The following TMPO variants were observed in gnomAD, a reference collection of about 807,000 sequenced individuals.
The protein encoded by TMPO is thymopoietin.
In TMPO, 22 loss-of-function variants were observed where a neutral mutation model predicts 45.4. That is an observed-to-expected ratio of 0.48 (90% CI 0.35 to 0.69). The LOEUF (loss-of-function observed/expected upper bound fraction) is 0.69, where lower values mean the gene tolerates loss of function less well. Among genes scored for constraint, TMPO ranks in the 30% least tolerant of loss-of-function variants. The probability of loss-of-function intolerance (pLI) is 0.01; values close to 1 mark genes in which losing one functional copy is unlikely to be tolerated. For synonymous variants in TMPO, 241 were observed against 204.1 expected (o/e 1.18, Z -1.54); for missense variants, 512 against 548.8 (o/e 0.93, Z 0.67).
At chr12:98,518,203 A>T (rs1395662949) in intron 1 of TMPO, among the ~76,000 whole-genome samples, 1 of 152,086 alleles carries the variant, frequency 6.6e-6, no homozygotes. Context: ...CACACTTTAT[A>T]AAAAACCTAA....
At chr12:98,530,783 A>G (rs991384656) in intron 2 of TMPO, among the ~76,000 whole-genome samples, 3 of 152,244 alleles carry the variant, frequency 2.0e-5, no homozygotes, top group Non-Finnish European at 4.4e-5. Context: ...ATCCGCTTAC[A>G]TGTGATTTTT....
intron 3 of TMPO, chr12:98,533,473 G>C: frequency 6.2e-7 from 1 of 1,614,128 alleles, no homozygotes; most frequent in Middle Eastern, 1.6e-4. Context: ...ACTGGATGTA[G>C]AAAACATACA....
chr12:98,532,134 G>A (rs546055198), intron 3 of TMPO: 25 of 296,536 alleles, frequency 8.4e-5, no homozygotes, highest in Admixed American at 4.4e-4. Flanking sequence ...AAAGTTTCTC[G>A]TACTTACCTG....
intron 2 of TMPO, among the ~76,000 whole-genome samples, chr12:98,529,889 C>T (rs978107160): frequency 2.0e-5 from 3 of 151,976 alleles, no homozygotes; most frequent in African/African-American, 4.8e-5. Flanking sequence ...AAATTGTGGA[C>T]GCTAGAGATT....
At chr12:98,519,905 AG>A in intron 1 of TMPO, among the ~76,000 whole-genome samples, 1 of 151,916 alleles carries the variant, frequency 6.6e-6, no homozygotes, top group East Asian at 1.9e-4. Flanking sequence ...GGTCATTTTT[AG>A]CCCCATATAA....
chr12:98,522,415 C>A, intron 1 of TMPO, among the ~76,000 whole-genome samples: 1 of 152,176 alleles, frequency 6.6e-6, no homozygotes, highest in South Asian at 2.1e-4. Flanking sequence ...TTTACCACCA[C>A]TGTATAATAA....
At chr12:98,547,158 C>T (rs774255328) in intron 8 of TMPO, among the ~76,000 whole-genome samples, 1 of 151,366 alleles carries the variant, frequency 6.6e-6, no homozygotes, top group African/African-American at 2.4e-5. Context: ...TCACTACAAC[C>T]TCCACCTCCT....
intron 1 of TMPO, among the ~76,000 whole-genome samples, chr12:98,522,065 G>C (rs770106388): frequency 6.6e-6 from 1 of 151,948 alleles, no homozygotes; most frequent in Non-Finnish European, 1.5e-5. Flanking sequence ...ATAGGGTCTC[G>C]CTCTGTCCCT....
In TMPO at chr12:98,547,964, G is replaced by T; in HGVS notation, c.*106G>T. Reference sequence around the variant, plus strand: ...CAAGAACTAAAAATAATGTGATTTCGCCTCAATAAATGTAGTATTTCATTG... The same window carrying T: ...CAAGAACTAAAAATAATGTGATTTCTCCTCAATAAATGTAGTATTTCATTG... On this transcript the variant is annotated 3_prime_UTR_variant, in exon 9 of 9. Coordinates refer to ENST00000556029, the MANE Select transcript of TMPO (RefSeq NM_001032283.3). The T allele has an allele frequency of 7.7e-7, 1 of 1,303,310 alleles. No individual in the cohort carries two copies. Among genetic ancestry groups the T allele is most frequent in the Admixed American group, 2.1e-5 (1 of 48,502 alleles). 80.7% of individuals were successfully genotyped at this position (1,303,310 alleles called of 1,614,324 possible).
chr12:98,534,989 A>G (rs1877483827), intron 3 of TMPO: 8 of 848,910 alleles, frequency 9.4e-6, no homozygotes, highest in Non-Finnish European at 1.1e-5. Flanking sequence ...ACAGGATTTG[A>G]TTTTTTAGCA....
chr12:98,515,611 G>C lies in TMPO; in HGVS notation c.-257G>C. On this transcript the variant is annotated 5_prime_UTR_variant, in exon 1 of 9. Transcript: ENST00000556029. ...GGGCGAAGCAGGCTGCTCGCCTCCT[G>C]CCTGTAGTGTGTGGGCTGGGGTTGG... The C allele has an allele frequency of 1.6e-6, 1 of 636,510 alleles. No individual in the cohort carries two copies. Among genetic ancestry groups the C allele is most frequent in the Non-Finnish European group, 2.7e-6 (1 of 376,374 alleles). 39.4% of individuals were successfully genotyped at this position (636,510 alleles called of 1,614,324 possible).
At chr12:98,521,413 A>G (rs1876357265) in intron 1 of TMPO, among the ~76,000 whole-genome samples, 1 of 151,980 alleles carries the variant, frequency 6.6e-6, no homozygotes, top group African/African-American at 2.4e-5. Context: ...TGCCCAGCCT[A>G]TGGGGAACAT....
intron 4 of TMPO, among the ~76,000 whole-genome samples, chr12:98,542,173 G>A (rs1651429872): frequency 6.6e-6 from 1 of 152,140 alleles, no homozygotes. Context: ...AAATTGCTAG[G>A]TAATTTCACC....
At chr12:98,532,289 C>T (rs538773865) in intron 3 of TMPO, 7 of 162,614 alleles carry the variant, frequency 4.3e-5, no homozygotes, top group African/African-American at 1.7e-4. Context: ...TATGCTAAAT[C>T]TTATCACTTG....
chr12:98,518,145 CAAAAAAAA>C (rs35978276), intron 1 of TMPO, among the ~76,000 whole-genome samples: 2 of 98,318 alleles, frequency 2.0e-5, no homozygotes, highest in Non-Finnish European at 4.6e-5. Flanking sequence ...GACTTCGTCT[CAAAAAAAA>C]AAAAAAAAAA....
In TMPO at chr12:98,548,720, C is replaced by T. The variant is rs1018129522; in HGVS notation, c.*862C>T. 4 of 152,208 alleles carry T rather than the reference C, an allele frequency of 2.6e-5. No individual in the cohort carries two copies. The highest frequency in any genetic ancestry group is 2.0e-4 in the Admixed American group (3 of 15,274). The allele number at this position is 152,208 out of a possible 1,614,324, so 9.4% of individuals were successfully genotyped here. ...TTGTTTAGAAGTTAGAAATTGTAAACACTGGTCTTATGTTTCATTTGGATT... is the reference window on the plus strand; with the variant it reads ...TTGTTTAGAAGTTAGAAATTGTAAATACTGGTCTTATGTTTCATTTGGATT... On this transcript the variant is annotated 3_prime_UTR_variant, in exon 9 of 9. Coordinates refer to ENST00000556029, the MANE Select transcript of TMPO (RefSeq NM_001032283.3).
chr12:98,531,884 A>C, intron 3 of TMPO, 46 bp downstream of exon 3: 3 of 1,546,134 alleles, frequency 1.9e-6, no homozygotes, highest in Non-Finnish European at 2.7e-6. Context: ...ATTTTTTCAC[A>C]CTCAAAATTC....
At chr12:98,534,477 G>GT in intron 3 of TMPO, 2 of 1,502,348 alleles carry the variant, frequency 1.3e-6, no homozygotes, top group Non-Finnish European at 8.8e-7. Context: ...TCAAATTACA[G>GT]TATAAAAGTA....
chr12:98,526,390 T>C (rs956620510), intron 1 of TMPO, among the ~76,000 whole-genome samples: 5 of 152,218 alleles, frequency 3.3e-5, no homozygotes, highest in Non-Finnish European at 5.9e-5. Flanking sequence ...TCCCTTAATA[T>C]AAAGTGGTGT....
Sources: allele counts gnomAD v4.1 joint callset (sites outside exome capture counted in the v4.1 genomes callset), GRCh38; gene constraint gnomAD v4.1.1; transcripts MANE v1.5; gene names NCBI Gene and HGNC (gene_info 2026-07-23, HGNC 2026-07-21).